Variants in EIF2D observed in about 807,000 individuals in gnomAD.
EIF2D encodes hepatocellular carcinoma-associated antigen 56.
EIF2D carries 56 observed loss-of-function variants against 77.4 expected under a neutral mutation model. The ratio of observed to expected loss-of-function variants is 0.72; its 90% CI spans 0.58 to 0.90. EIF2D has a LOEUF of 0.90. Ranked by LOEUF, EIF2D falls within the 40% of genes least tolerant of loss-of-function variation. The pLI is 0.00. For missense variants in EIF2D, 574 were observed against 706.5 expected, an observed-to-expected ratio of 0.81 and a Z score of 2.13; for synonymous variants, 230 against 271.0, an observed-to-expected ratio of 0.85 and a Z score of 1.49.
intron 2 of EIF2D, chr1:206,586,601 A>G (rs976680224): frequency 3.9e-5 from 20 of 508,898 alleles, no homozygotes; most frequent in African/African-American, 3.9e-4. Context: ...TGGTTCATAG[A>G]CTGGCAACTC....
intron 4 of EIF2D, among the ~76,000 whole-genome samples, chr1:206,580,247 C>A (rs1668817421): frequency 6.6e-6 from 1 of 152,202 alleles, no homozygotes; most frequent in African/African-American, 2.4e-5. Flanking sequence ...CAAAATCAAG[C>A]CTTTGAAAGC....
chr1:206,602,845 CT>C (rs1669991293), intron 6 of EIF2D, 105 bp downstream of exon 6: 38 of 1,478,220 alleles, frequency 2.6e-5, no homozygotes, highest in South Asian at 5.5e-5. Flanking sequence ...CCTTCCCCTC[CT>C]CCCCCGGAAG....
chr1:206,575,026 T>A (rs558444945), intron 4 of EIF2D, among the ~76,000 whole-genome samples: 1 of 111,632 alleles, frequency 9.0e-6, no homozygotes, highest in East Asian at 2.7e-4. Flanking sequence ...TTTTTTGTTT[T>A]TGTTTTTGTT....
chr1:206,577,279 A>ATGG (rs1553405374), intron 4 of EIF2D, among the ~76,000 whole-genome samples: 1 of 152,212 alleles, frequency 6.6e-6, no homozygotes, highest in Non-Finnish European at 1.5e-5. Context: ...GAAAGGAATT[A>ATGG]ACAAACTCTA....
In EIF2D at chr1:206,612,450, C is replaced by T; in HGVS notation, c.-108G>A. ...AGCCGTGGGGGCAGCCATGCTGGGG[C>T]CCGGCCGCGAAAAGGGCCCGGCTGG... On this transcript the variant is annotated 5_prime_UTR_variant, in exon 1 of 15. Transcript: ENST00000271764. 1 of 1,461,782 alleles carries T rather than the reference C, an allele frequency of 6.8e-7. No homozygotes were observed. The highest frequency in any genetic ancestry group is 9.5e-7 in the Non-Finnish European group (1 of 1,051,420). The allele number at this position is 1,461,782 out of a possible 1,614,324, so 90.6% of individuals were successfully genotyped here. A position where few individuals can be genotyped will look rare whatever the true frequency, so the allele number is the denominator to read the frequency against.
chr1:206,593,127 A>ATC (rs1452717933), intron 14 of EIF2D, among the ~76,000 whole-genome samples: 7 of 150,834 alleles, frequency 4.6e-5, no homozygotes, highest in Non-Finnish European at 1.0e-4. Flanking sequence ...AAAAAAACTT[A>ATC]GACTCTGGAG....
chr1:206,573,875 T>A (rs1376642943), intron 4 of EIF2D, among the ~76,000 whole-genome samples: 2 of 152,150 alleles, frequency 1.3e-5, no homozygotes, highest in Non-Finnish European at 2.9e-5. Context: ...GGAGTCTTAG[T>A]GAGGTGGACT....
chr1:206,585,320 C>G (rs782024646), intron 2 of EIF2D: 7 of 1,592,934 alleles, frequency 4.4e-6, no homozygotes, highest in Non-Finnish European at 6.0e-6. Flanking sequence ...ATTGTGCAAA[C>G]CCAGGCCTTA....
chr1:206,593,569 G>T lies in EIF2D; in HGVS notation c.1684+50C>A, dbSNP rs782087646. On this transcript the variant is annotated intron_variant, in intron 14 of 14. Coordinates refer to ENST00000271764, the MANE Select transcript of EIF2D (RefSeq NM_006893.3). The stretch of plus-strand genomic sequence containing the variant: ...TTATGCAAGTTGAGTTGGCAGGAAG[G>T]TCTTTGCTGAGCTAGACCAATGCCT... 5.5e-6 allele frequency: 8 copies of T among 1,467,042 alleles called. No homozygotes were observed. In the South Asian group the frequency reaches 1.0e-4, roughly 19 times the overall value. 90.9% of individuals were successfully genotyped at this position (1,467,042 alleles called of 1,614,324 possible). A position where few individuals can be genotyped will look rare whatever the true frequency, so the allele number is the denominator to read the frequency against.
Position 206,611,387 on chromosome 1 carries a change from C to T in EIF2D, c.57-13G>A. 6.2e-7 allele frequency: 1 copy of T among 1,606,440 alleles called. No individual in the cohort carries two copies. Among genetic ancestry groups the T allele is most frequent in the Non-Finnish European group, 8.5e-7 (1 of 1,174,460 alleles). On this transcript the variant is annotated splice_polypyrimidine_tract_variant and intron_variant, in intron 1 of 14. Transcript: ENST00000271764. Reference sequence around the variant, plus strand: ...TCGAAGCTTTCTCCTGTGGAAAGCACACCAGCACTGTGAATGCTGCCTGGA... The same window carrying T: ...TCGAAGCTTTCTCCTGTGGAAAGCATACCAGCACTGTGAATGCTGCCTGGA...
At chr1:206,609,770 A>G (rs1265241201) in intron 2 of EIF2D, among the ~76,000 whole-genome samples, 3 of 152,230 alleles carry the variant, frequency 2.0e-5, no homozygotes, top group Non-Finnish European at 4.4e-5. Context: ...CAAGTAGCCT[A>G]AGAACAGGAA....
intron 2 of EIF2D, chr1:206,583,447 C>A: frequency 9.3e-7 from 1 of 1,072,898 alleles, no homozygotes; most frequent in Non-Finnish European, 1.4e-6. Context: ...CGCCTCTGCC[C>A]TCACTCTGAA....
chr1:206,569,623 A>T (rs554039941), downstream of EIF2D, among the ~76,000 whole-genome samples: 2 of 152,188 alleles, frequency 1.3e-5, no homozygotes, highest in Non-Finnish European at 2.9e-5. Context: ...TCAAAGTAAT[A>T]TATTTTATCT....
At chr1:206,593,074 G>A (rs1392959089) in intron 14 of EIF2D, among the ~76,000 whole-genome samples, 1 of 151,508 alleles carries the variant, frequency 6.6e-6, no homozygotes, top group Non-Finnish European at 1.5e-5. Flanking sequence ...TTGCGCCACT[G>A]CACTCCAGCC....
chr1:206,608,996 G>A (rs1670334426), intron 3 of EIF2D, among the ~76,000 whole-genome samples: 1 of 151,916 alleles, frequency 6.6e-6, no homozygotes, highest in Admixed American at 6.6e-5. Flanking sequence ...AGGTTGTAGT[G>A]AGCCGAGATC....
At chr1:206,571,094 G>C (rs375077289), downstream of EIF2D, among the ~76,000 whole-genome samples, 77 of 152,212 alleles carry the variant, frequency 5.1e-4, 2 homozygotes, top group South Asian at 0.016. Flanking sequence ...GCCAATGCTT[G>C]TTATTTTCTT....
At chr1:206,605,549 A>G in intron 4 of EIF2D, 42 bp from the exon 5 acceptor site, 1 of 1,525,164 alleles carries the variant, frequency 6.6e-7, no homozygotes, top group East Asian at 2.2e-5. Context: ...TGGAAAATCT[A>G]TGGGAAGGGC....
intron 4 of EIF2D, among the ~76,000 whole-genome samples, chr1:206,573,172 G>T (rs1668509592): frequency 1.3e-5 from 2 of 152,206 alleles, no homozygotes; most frequent in Non-Finnish European, 2.9e-5. Flanking sequence ...ATTTCACAAA[G>T]AAATCAGTCT....
intron 7 of EIF2D, 22 bp downstream of exon 7, chr1:206,602,314 C>A: frequency 1.2e-6 from 2 of 1,605,340 alleles, no homozygotes; most frequent in Non-Finnish European, 8.5e-7. Flanking sequence ...CGGCCTCCAG[C>A]CCACATCAGT....
Sources: gnomAD v4.1 joint callset for allele counts (sites outside exome capture counted in the v4.1 genomes callset) on GRCh38, gnomAD v4.1.1 for gene constraint, MANE v1.5 for transcripts, NCBI Gene and HGNC (gene_info 2026-07-23, HGNC 2026-07-21) for gene names.